NUP210: variants seen among roughly 807,000 people sequenced by gnomAD.
NUP210 encodes the protein nucleoporin 210, also known as nuclear pore membrane glycoprotein 210.
Under a neutral mutation model 196.0 loss-of-function variants are expected in NUP210, and 151 were observed. That is an observed-to-expected ratio of 0.77 (90% confidence interval 0.67 to 0.88). The LOEUF (loss-of-function observed/expected upper bound fraction) is 0.88, where lower values mean the gene tolerates loss of function less well. NUP210 is among the 40% of genes least tolerant of loss of function. The pLI, the probability that NUP210 is intolerant of heterozygous loss-of-function variation, is 0.00. For synonymous variants in NUP210, 1,070 were observed against 1,052.7 expected, an observed-to-expected ratio of 1.02 and a Z score of -0.32; for missense variants, 2,314 against 2,493.7, an observed-to-expected ratio of 0.93 and a Z score of 1.53.
chr3:13,361,343 T>C (rs571353041), intron 14 of NUP210, among the ~76,000 whole-genome samples: 57 of 152,282 alleles, frequency 3.7e-4, no homozygotes, highest in Non-Finnish European at 7.8e-4. Context: ...AGAATTAAAG[T>C]AGTATTTCAC....
rs751075362 is a variant in NUP210 at position 13,322,148 on chromosome 3, G to C, written c.4915+45C>G. 3.1e-6 allele frequency: 5 copies of C among 1,608,728 alleles called. No homozygotes were observed. In the Admixed American group the frequency reaches 6.7e-5, roughly 21 times the overall value. On this transcript the variant is annotated intron_variant, in intron 35 of 39. Coordinates refer to ENST00000254508, the MANE Select transcript of NUP210 (RefSeq NM_024923.4). ...GAAGCCGCAAGATGCCCAGAAGACAGAGACTGTCTCCAAGTCCCTTTCACT... is the reference window on the plus strand; with the variant it reads ...GAAGCCGCAAGATGCCCAGAAGACACAGACTGTCTCCAAGTCCCTTTCACT...
intron 1 of NUP210, among the ~76,000 whole-genome samples, chr3:13,409,296 G>C (rs1700090318): frequency 6.6e-6 from 1 of 152,212 alleles, no homozygotes; most frequent in Non-Finnish European, 1.5e-5. Flanking sequence ...GTGTTAACAG[G>C]TGGGGCTTTT....
Position 13,386,420 on chromosome 3 carries a change from A to G in NUP210, c.685-13T>C. 6.2e-7 allele frequency: 1 copy of G among 1,613,746 alleles called. No individual in the cohort carries two copies. Among genetic ancestry groups the G allele is most frequent in the Non-Finnish European group, 8.5e-7 (1 of 1,179,886 alleles). ...CAGGGCGTACATTCTTGGCATAAAG[A>G]AAAGGCAGACAAAGTGAGGTGCGGA... On this transcript the variant is annotated splice_polypyrimidine_tract_variant and intron_variant, in intron 5 of 39. Transcript: ENST00000254508.
At position 13,339,949 on chromosome 3, in the gene NUP210, C is replaced by A; in HGVS notation, c.3376G>T (p.Gly1126Trp). 1.2e-6 allele frequency: 2 copies of A among 1,614,062 alleles called. No homozygotes were observed. The highest frequency in any genetic ancestry group is 2.2e-5 in the South Asian group (2 of 91,088). ...CCGATGGCGAGGCCCTGTACCAGCC[C>A]AGCAGCGCTCACCAGCGCAACGCTC... ...NESVALVSAAGLVQGLAIGNG... is the reference protein window; with the variant it reads ...NESVALVSAAWLVQGLAIGNG... Residue 1126 changes from glycine (G) to tryptophan (W), a missense_variant, in exon 25 of 40, where the codon GGG (glycine) becomes TGG (tryptophan). Coordinates refer to ENST00000254508, the MANE Select transcript of NUP210 (RefSeq NM_024923.4).
At position 13,319,827 on chromosome 3, in the gene NUP210, G is replaced by C. The variant is rs1337851376; in HGVS notation, c.5319C>G (p.Thr1773=). The C allele has an allele frequency of 6.2e-7, 1 of 1,614,118 alleles. No individual in the cohort carries two copies. Among genetic ancestry groups the C allele is most frequent in the African/African-American group, 1.3e-5 (1 of 74,946 alleles). The stretch of plus-strand genomic sequence containing the variant: ...TCACTGGGATGGCAATGGCTTGGTT[G>C]GTCACGGGGCTGGAGAAGGTCAGGG... ...STTLTFSSPV[T]NQAIAIPVTV... The change falls in exon 37 of 40, where the codon ACC becomes ACG. Residue 1773 remains threonine (T), a synonymous_variant. Coordinates refer to ENST00000254508, the MANE Select transcript of NUP210 (RefSeq NM_024923.4).
At position 13,340,278 on chromosome 3, in the gene NUP210, C is replaced by T. The variant is rs548818987; in HGVS notation, c.3249G>A (p.Leu1083=). The change falls in exon 24 of 40, where the codon CTG becomes CTA. Residue 1083 remains leucine, a synonymous_variant. Transcript: ENST00000254508. The surrounding 1 kb of genome is among the most constrained non-coding windows in gnomAD (Gnocchi z 4.0). ...TAAGCAGTGTCACCTTCCTGGGCAT[C>T]AGCCTGAACGGGGGAAAGACCTGTT... The part of the protein sequence containing the change: ...QQIEVFPPFR[L]MPRKVTLLIG... 1.2e-6 allele frequency: 2 copies of T among 1,613,440 alleles called. No individual in the cohort carries two copies. Among genetic ancestry groups the T allele is most frequent in the African/African-American group, 1.3e-5 (1 of 75,068 alleles).
chr3:13,380,411 C>T (rs568612920), intron 6 of NUP210, among the ~76,000 whole-genome samples: 2 of 152,306 alleles, frequency 1.3e-5, no homozygotes, highest in East Asian at 3.9e-4. Flanking sequence ...TGATCACGTT[C>T]CCTCATATCC....
At chr3:13,354,992 A>G (rs1419749036) in intron 16 of NUP210, among the ~76,000 whole-genome samples, 3 of 152,210 alleles carry the variant, frequency 2.0e-5, no homozygotes, top group South Asian at 4.1e-4. Context: ...GGGCTGGGCC[A>G]TAAAGCAGAG....
Position 13,319,924 on chromosome 3 carries a change from CA to C in NUP210, c.5221del (p.Trp1741GlyfsTer26). ...GACCGTGTATGTGATGAAGCTGGGC[CA>C]CCCAAAAGACTTCTCCTTTGCGAAT... Reference protein sequence around the residue: ...LAFAKEKSFGWPSFITYTVGV... With the variant: ...LAFAKEKSFGXPSFITYTVGV... On this transcript the variant is annotated frameshift_variant, in exon 37 of 40. Coordinates refer to ENST00000254508, the MANE Select transcript of NUP210 (RefSeq NM_024923.4). LOFTEE classifies it high-confidence loss of function. 1 of 1,614,186 alleles carries C rather than the reference CA, an allele frequency of 6.2e-7. No homozygotes were observed. The highest frequency in any genetic ancestry group is 1.1e-5 in the South Asian group (1 of 91,090).
chr3:13,417,791 G>C (rs913849985), intron 1 of NUP210, among the ~76,000 whole-genome samples: 1 of 152,102 alleles, frequency 6.6e-6, no homozygotes, highest in Non-Finnish European at 1.5e-5. Context: ...CGCCAAACAC[G>C]TTATAAGGTA....
intron 20 of NUP210, chr3:13,351,666 C>CTTTT: frequency 2.3e-6 from 1 of 439,396 alleles, no homozygotes. Flanking sequence ...TTTGATTTTT[C>CTTTT]TTTTTTTTTT....
rs144770995 is a variant in NUP210, at chr3:13,337,872, G to A, written c.3517C>T (p.Arg1173Cys). ...GTCCTCATCCGCATGATGGGGGCGC[G>A]GATCCTCACGGCCCTTAGCAGCAGC... is the stretch of plus-strand genomic sequence containing the variant. ...EVLLLRAVRI[R>C]APIMRMRTGT... The change falls in exon 26 of 40, where the codon CGC (arginine) becomes TGC (cysteine). Residue 1173 changes from arginine to cysteine, a missense_variant. Transcript: ENST00000254508. The A allele has an allele frequency of 1.7e-3, 2,682 of 1,612,644 alleles. 4 individuals carry two copies. Among genetic ancestry groups the A allele is most frequent in the South Asian group, 2.4e-3 (215 of 90,950 alleles).
Position 13,317,678 on chromosome 3 carries a change from G to A in NUP210, c.*3C>T, listed in dbSNP as rs765299996. On this transcript the variant is annotated 3_prime_UTR_variant, in exon 40 of 40. Transcript: ENST00000254508. ...ACCCATCCTCCGGGAACCTTCACGCGGCCTAGTGGGAGGCATAGGCTGGGC... is the reference window on the plus strand; with the variant it reads ...ACCCATCCTCCGGGAACCTTCACGCAGCCTAGTGGGAGGCATAGGCTGGGC... 24 of 1,600,302 alleles carry A rather than the reference G, an allele frequency of 1.5e-5. No homozygotes were observed. The highest frequency in any genetic ancestry group is 5.1e-5 in the Admixed American group (3 of 58,632).
intron 6 of NUP210, among the ~76,000 whole-genome samples, chr3:13,381,304 G>A (rs1336429207): frequency 2.0e-5 from 3 of 152,108 alleles, no homozygotes; most frequent in Non-Finnish European, 2.9e-5. Flanking sequence ...TGCTTACATT[G>A]AAGGGGACTT....
intron 30 of NUP210, among the ~76,000 whole-genome samples, chr3:13,329,864 G>A (rs886543869): frequency 6.6e-6 from 1 of 152,190 alleles, no homozygotes; most frequent in African/African-American, 2.4e-5. Flanking sequence ...TATGGCAGAA[G>A]GACACGGCCC....
At chr3:13,328,467 G>A (rs1004492755) in intron 31 of NUP210, among the ~76,000 whole-genome samples, 26 of 152,216 alleles carry the variant, frequency 1.7e-4, no homozygotes, top group African/African-American at 6.3e-4. Flanking sequence ...CAGGACCTGT[G>A]GGCAGCCGAA....
rs1433175104 is a variant in NUP210, at chr3:13,340,185, G to C, written c.3291+51C>G. The C allele has an allele frequency of 3.1e-6, 5 of 1,610,754 alleles. No homozygotes were observed. Among genetic ancestry groups the C allele is most frequent in the African/African-American group, 2.7e-5 (2 of 74,888 alleles). ...GCCAGAGGCGGCGTGCCTGGAACCA[G>C]GTGGTGGCCTGCACTGGGGCTGGAG... On this transcript the variant is annotated intron_variant, in intron 24 of 39. Coordinates refer to ENST00000254508, the MANE Select transcript of NUP210 (RefSeq NM_024923.4). This position sits in a 1 kb window ranked among gnomAD's most constrained non-coding sequence, Gnocchi z 4.0.
intron 20 of NUP210, 39 bp from the exon 21 acceptor site, chr3:13,343,342 G>GGGGGGGGGGGGTGGT: frequency 1.5e-6 from 1 of 655,992 alleles, no homozygotes; most frequent in Non-Finnish European, 2.5e-6. Flanking sequence ...TGGGTGGTGG[G>GGGGGGGGGGGGTGGT]TTACGCAGCT....
At chr3:13,332,207 A>G in intron 29 of NUP210, 86 bp downstream of exon 29, 1 of 1,091,832 alleles carries the variant, frequency 9.2e-7, no homozygotes. Flanking sequence ...GAAAGTACCC[A>G]TGGCTCCTGA....
Sources: allele counts gnomAD v4.1 joint callset (sites outside exome capture counted in the v4.1 genomes callset), GRCh38; gene constraint gnomAD v4.1.1; non-coding constraint Gnocchi (gnomAD v3.1); transcripts MANE v1.5; gene names NCBI Gene and HGNC (gene_info 2026-07-23, HGNC 2026-07-21).